Variants in TVP23C observed in about 807,000 individuals in gnomAD.
TVP23C encodes trans-golgi network vesicle protein 23 homolog C, also known as Golgi apparatus membrane protein TVP23 homolog C.
In TVP23C, 19 loss-of-function variants were observed where a neutral mutation model predicts 28.7. The observed-to-expected ratio is 0.66, with a 90% confidence interval of 0.46 to 0.97. The LOEUF is 0.97. Among genes scored for constraint, TVP23C ranks in the 50% least tolerant of loss-of-function variants. The pLI, the probability that TVP23C is intolerant of heterozygous loss-of-function variation, is 0.00. For missense variants in TVP23C, 186 were observed against 241.3 expected, an observed-to-expected ratio of 0.77 and a Z score of 1.52; for synonymous variants, 68 against 81.7, an observed-to-expected ratio of 0.83 and a Z score of 0.90.
intron 5 of TVP23C, among the ~76,000 whole-genome samples, chr17:15,508,901 C>T (rs1981886652): frequency 1.3e-5 from 2 of 152,140 alleles, no homozygotes; most frequent in Non-Finnish European, 2.9e-5. Context: ...GGGGCACTTG[C>T]CAGGGGGAAA....
chr17:15,542,068 C>G (rs1469414735), intron 5 of TVP23C, among the ~76,000 whole-genome samples: 2 of 152,136 alleles, frequency 1.3e-5, no homozygotes, highest in South Asian at 4.1e-4. Context: ...CTAATACCAA[C>G]AAACACAAAA....
At chr17:15,516,030 T>TCC (rs1333630142) in intron 5 of TVP23C, among the ~76,000 whole-genome samples, 2 of 152,116 alleles carry the variant, frequency 1.3e-5, no homozygotes, top group Non-Finnish European at 1.5e-5. Context: ...AGACGCGTGC[T>TCC]CCCCCTTTGC....
chr17:15,561,276 G>A (rs1254496589), intron 1 of TVP23C, among the ~76,000 whole-genome samples: 13 of 152,166 alleles, frequency 8.5e-5, no homozygotes, highest in Admixed American at 8.5e-4. Context: ...CTAAGGGCTC[G>A]ACTGAGGTTC....
chr17:15,512,359 A>G (rs1346531127), intron 5 of TVP23C, among the ~76,000 whole-genome samples: 1 of 152,194 alleles, frequency 6.6e-6, no homozygotes. Context: ...CATGAGATCT[A>G]AAGTCCTTCT....
At chr17:15,534,978 A>G (rs1369372945), downstream of TVP23C, among the ~76,000 whole-genome samples, 2 of 150,598 alleles carry the variant, frequency 1.3e-5, no homozygotes, top group South Asian at 4.2e-4. Flanking sequence ...CAAAATAAAA[A>G]AACAAAAATG....
intron 1 of TVP23C, among the ~76,000 whole-genome samples, chr17:15,561,461 T>C (rs1007315482): frequency 1.3e-5 from 2 of 152,012 alleles, no homozygotes; most frequent in African/African-American, 4.8e-5. Context: ...TAGCCGGGCA[T>C]GGTGGCGGGC....
downstream of TVP23C, among the ~76,000 whole-genome samples, chr17:15,535,865 A>C (rs1332430272): frequency 2.0e-5 from 3 of 152,222 alleles, no homozygotes; most frequent in Admixed American, 6.5e-5. Context: ...TAACACTTGA[A>C]GAAGGTAGTT....
At chr17:15,519,826 C>T (rs1982396020) in intron 5 of TVP23C, among the ~76,000 whole-genome samples, 2 of 152,056 alleles carry the variant, frequency 1.3e-5, no homozygotes, top group Non-Finnish European at 1.5e-5. Flanking sequence ...GGCATGAACC[C>T]GGGAGGCGGA....
rs200129163 is a variant in TVP23C at position 15,520,382 on chromosome 17, C to CT, written c.463-17151dup. ...GATCACCTAACGTCCTCTGGGTTCCCTTTTTTGGGTCATCTTTCATCTTCT... is the reference window on the plus strand; with the variant it reads ...GATCACCTAACGTCCTCTGGGTTCCCTTTTTTTGGGTCATCTTTCATCTTCT... On this transcript the variant is annotated intron_variant, in intron 5 of 5. Coordinates refer to the TVP23C transcript ENST00000225576. Among the ~76,000 whole-genome samples the CT allele has an allele frequency of 1.0e-4, 15 of 148,606 alleles. No homozygotes were observed. The East Asian group carries it at 1.6e-3, about 15-fold the overall frequency.
In TVP23C at chr17:15,538,244, A is replaced by G. The variant is rs148148055; in HGVS notation, c.*2168T>C. The stretch of plus-strand genomic sequence containing the variant: ...GGGCCTAGGCCTAGGAAAACATTCT[A>G]TATTTCTAAGCAGAGCATTACCTTA... On this transcript the variant is annotated 3_prime_UTR_variant, in exon 6 of 6. Coordinates refer to ENST00000518321, the MANE Select transcript of TVP23C (RefSeq NM_001135036.2). The G allele has an allele frequency of 2.3e-3, 3,650 of 1,601,978 alleles. 88 individuals are homozygous for G. The African/African-American group carries it at 0.044, about 19-fold the overall frequency.
chr17:15,517,021 G>C (rs990194142), intron 5 of TVP23C, among the ~76,000 whole-genome samples: 1 of 152,190 alleles, frequency 6.6e-6, no homozygotes, highest in Non-Finnish European at 1.5e-5. Context: ...CCCCCCATCA[G>C]TCAGTTCTCT....
intron 3 of TVP23C, among the ~76,000 whole-genome samples, chr17:15,551,183 C>A (rs1466150402): frequency 4.0e-5 from 6 of 151,252 alleles, no homozygotes. Context: ...GTGGCGCGAT[C>A]TCGGCTCACT....
chr17:15,522,165 A>G (rs1320571098), intron 5 of TVP23C, among the ~76,000 whole-genome samples: 1 of 152,224 alleles, frequency 6.6e-6, no homozygotes, highest in Non-Finnish European at 1.5e-5. Flanking sequence ...CCATACCAAA[A>G]AAATCAATTT....
intron 5 of TVP23C, among the ~76,000 whole-genome samples, chr17:15,519,487 C>T (rs1050709210): frequency 6.6e-6 from 1 of 151,452 alleles, no homozygotes; most frequent in Non-Finnish European, 1.5e-5. Flanking sequence ...AATATACACA[C>T]ACACACACAC....
chr17:15,551,137 G>C (rs1983865095), intron 3 of TVP23C, among the ~76,000 whole-genome samples: 2 of 149,928 alleles, frequency 1.3e-5, no homozygotes, highest in African/African-American at 2.5e-5. Flanking sequence ...TTTTTTTTGA[G>C]ATGGAGTCTT....
chr17:15,550,612 T>C (rs942077375), intron 3 of TVP23C, among the ~76,000 whole-genome samples: 4 of 152,202 alleles, frequency 2.6e-5, no homozygotes, highest in Non-Finnish European at 5.9e-5. Flanking sequence ...TTTTCTATTT[T>C]CTAATATTTC....
chr17:15,560,891 G>A (rs144673423), intron 1 of TVP23C, among the ~76,000 whole-genome samples: 3 of 150,634 alleles, frequency 2.0e-5, no homozygotes, highest in East Asian at 3.9e-4. Context: ...ATTAAAACAC[G>A]TTTATATGTT....
intron 1 of TVP23C, among the ~76,000 whole-genome samples, chr17:15,560,808 C>T (rs1369001772): frequency 6.7e-6 from 1 of 150,036 alleles, no homozygotes; most frequent in East Asian, 2.0e-4. Flanking sequence ...CCCGCCTCGG[C>T]CTCCCAAAGT....
At chr17:15,528,838 CCTGCCCGCCT>C (rs1237352742) in intron 5 of TVP23C, among the ~76,000 whole-genome samples, 1 of 151,088 alleles carries the variant, frequency 6.6e-6, no homozygotes, top group African/African-American at 2.4e-5. Flanking sequence ...CCTCAAGTGA[CCTGCCCGCCT>C]CAGCCTCCCA....
Sources: gnomAD v4.1 joint callset for allele counts (sites outside exome capture counted in the v4.1 genomes callset) on GRCh38, gnomAD v4.1.1 for gene constraint, MANE v1.5 for transcripts, NCBI Gene and HGNC (gene_info 2026-07-23, HGNC 2026-07-21) for gene names.